INPP4B: variants seen among roughly 807,000 people sequenced by gnomAD.
INPP4B encodes the protein inositol polyphosphate-4-phosphatase type II B, also known as inositol polyphosphate 4-phosphatase type II.
INPP4B carries 55 observed loss-of-function variants against 122.5 expected under a neutral mutation model. The ratio of observed to expected loss-of-function variants is 0.45; its 90% CI spans 0.36 to 0.56. INPP4B has a LOEUF of 0.56. Ranked by LOEUF, INPP4B falls within the 20% of genes least tolerant of loss-of-function variation. The pLI is 0.00. For synonymous variants in INPP4B, 403 were observed against 388.7 expected (o/e 1.04, Z -0.43); for missense variants, 1,000 against 1,097.7 (o/e 0.91, Z 1.26).
chr4:142,644,905 C>CAA (rs72460445), intron 2 of INPP4B, among the ~76,000 whole-genome samples: 33 of 66,116 alleles, frequency 5.0e-4, no homozygotes, highest in African/African-American at 1.0e-3. Context: ...GACTCCATCT[C>CAA]AAAAAAAAAA....
chr4:142,481,439 C>A (rs1820531707), intron 2 of INPP4B, among the ~76,000 whole-genome samples: 1 of 152,100 alleles, frequency 6.6e-6, no homozygotes, highest in Non-Finnish European at 1.5e-5. Flanking sequence ...TGAGAGGAAT[C>A]CCTCTAATGA....
chr4:142,046,054 CT>C (rs941458532), intron 25 of INPP4B, among the ~76,000 whole-genome samples: 2 of 96,308 alleles, frequency 2.1e-5, no homozygotes, highest in Admixed American at 1.3e-4. Context: ...CACCCTGCAA[CT>C]TTTTTTATTG....
At chr4:142,696,030 T>G (rs75480354) in intron 2 of INPP4B, among the ~76,000 whole-genome samples, 1,833 of 152,172 alleles carry the variant, frequency 0.012, 36 homozygotes, top group African/African-American at 0.034. Flanking sequence ...CTAGGAGAAT[T>G]AGACAGGTGC....
intron 2 of INPP4B, among the ~76,000 whole-genome samples, chr4:142,589,452 T>A (rs1736947532): frequency 6.6e-6 from 1 of 151,946 alleles, no homozygotes; most frequent in African/African-American, 2.4e-5. Context: ...AAGAAATTTT[T>A]AAAAATGGGC....
At chr4:142,113,132 G>A (rs960205292) in intron 21 of INPP4B, among the ~76,000 whole-genome samples, 1 of 151,982 alleles carries the variant, frequency 6.6e-6, no homozygotes, top group Admixed American at 6.6e-5. Context: ...GAGTGTTTCT[G>A]TTTATGATGC....
At chr4:142,782,637 A>C (rs2151032791) in intron 1 of INPP4B, among the ~76,000 whole-genome samples, 1 of 151,940 alleles carries the variant, frequency 6.6e-6, no homozygotes, top group Non-Finnish European at 1.5e-5. Flanking sequence ...CATCCTCTCC[A>C]GCACCTGTTG....
At chr4:142,270,605 T>A (rs1375864508) in intron 10 of INPP4B, 58 bp downstream of exon 10, 1 of 1,185,258 alleles carries the variant, frequency 8.4e-7, no homozygotes, top group Non-Finnish European at 1.3e-6. Context: ...GAGACAGACA[T>A]CTGGCAAAGC....
chr4:142,356,693 C>A (rs1783724075), intron 7 of INPP4B, among the ~76,000 whole-genome samples: 1 of 151,704 alleles, frequency 6.6e-6, no homozygotes, highest in Admixed American at 6.6e-5. Flanking sequence ...TTTATTTGGT[C>A]TTTGGCCTCA....
At chr4:142,611,637 C>CTTTTTTTTTTTTTTTTTTTTTTTTTTTT (rs34482115) in intron 2 of INPP4B, among the ~76,000 whole-genome samples, 2 of 65,234 alleles carry the variant, frequency 3.1e-5, no homozygotes, top group Middle Eastern at 0.017. Context: ...TTTCTTTTTT[C>CTTTTTTTTTTTTTTTTTTTTTTTTTTTT]TTTTTTTTTT....
At chr4:142,382,769 G>A (rs1794684169) in intron 7 of INPP4B, among the ~76,000 whole-genome samples, 1 of 149,656 alleles carries the variant, frequency 6.7e-6, no homozygotes, top group South Asian at 2.1e-4. Context: ...ATTTACCAAG[G>A]TGTCTTGGGC....
In INPP4B at chr4:142,660,279, G is replaced by A. The variant is rs1754931618; in HGVS notation, c.-191+65560C>T. On this transcript the variant is annotated intron_variant, in intron 2 of 25. Coordinates refer to ENST00000262992, the MANE Select transcript of INPP4B (RefSeq NM_001101669.3). ...GGGATGCAAGGATGGAAGAGGGAAA[G>A]AGGATGCTGTTCTCTCTCTCCCTCA... Among the ~76,000 whole-genome samples, 3 of 152,164 alleles carry A rather than the reference G, an allele frequency of 2.0e-5. No individual in the cohort carries two copies. In the South Asian group the frequency reaches 6.2e-4, roughly 31 times the overall value.
intron 7 of INPP4B, among the ~76,000 whole-genome samples, chr4:142,381,492 C>A (rs185828539): frequency 6.6e-6 from 1 of 152,022 alleles, no homozygotes; most frequent in Non-Finnish European, 1.5e-5. Flanking sequence ...CTCTGAATTG[C>A]AAATAATTTT....
At chr4:142,784,093 T>C (rs1580907688) in intron 1 of INPP4B, among the ~76,000 whole-genome samples, 1 of 152,130 alleles carries the variant, frequency 6.6e-6, no homozygotes, top group East Asian at 1.9e-4. Context: ...CCAGGCACAG[T>C]GGCTCATGCT....
chr4:142,674,454 A>G (rs1164081161), intron 2 of INPP4B, among the ~76,000 whole-genome samples: 2 of 152,078 alleles, frequency 1.3e-5, no homozygotes, highest in African/African-American at 4.8e-5. Flanking sequence ...GTTTGGTAGT[A>G]ACATTAAAAA....
intron 1 of INPP4B, among the ~76,000 whole-genome samples, chr4:142,765,298 G>T (rs1232083079): frequency 6.6e-6 from 1 of 152,134 alleles, no homozygotes; most frequent in African/African-American, 2.4e-5. Context: ...GCACTTATAG[G>T]TGGGGGTGGC....
At chr4:142,727,875 C>T (rs188412487) in intron 1 of INPP4B, among the ~76,000 whole-genome samples, 303 of 152,246 alleles carry the variant, frequency 2.0e-3, no homozygotes, top group African/African-American at 6.9e-3. Context: ...GAGTCCCTGT[C>T]CCCCAACCCC....
chr4:142,827,591 G>T (rs1781598614), intron 1 of INPP4B, among the ~76,000 whole-genome samples: 1 of 152,092 alleles, frequency 6.6e-6, no homozygotes, highest in Admixed American at 6.6e-5. Flanking sequence ...ACTTAACATT[G>T]TCTATAGCAT....
chr4:142,390,162 T>C (rs955810532), intron 7 of INPP4B, among the ~76,000 whole-genome samples: 6 of 152,178 alleles, frequency 3.9e-5, no homozygotes. Flanking sequence ...ATACATTTTA[T>C]CTATAAGGTT....
Position 142,564,472 on chromosome 4 carries a change from AAAG to A in INPP4B, c.-190-101749_-190-101747del, listed in dbSNP as rs1241909672. ...AAAAAAAAGAAAGAAAGAAAGAAAG[AAAG>A]AAAAAAAAGAAACTCAGCAGTTAAT... On this transcript the variant is annotated intron_variant, in intron 2 of 25. Coordinates refer to ENST00000262992, the MANE Select transcript of INPP4B (RefSeq NM_001101669.3). Among the ~76,000 whole-genome samples, 188 of 139,872 alleles carry A rather than the reference AAAG, an allele frequency of 1.3e-3. 12 individuals are homozygous for A. Among genetic ancestry groups the A allele is most frequent in the East Asian group, 5.8e-3 (23 of 3,938 alleles). 91.8% of individuals were successfully genotyped at this position (139,872 alleles called of 152,430 possible).
Sources: gnomAD v4.1 joint callset for allele counts (sites outside exome capture counted in the v4.1 genomes callset) on GRCh38, gnomAD v4.1.1 for gene constraint, MANE v1.5 for transcripts, NCBI Gene and HGNC (gene_info 2026-07-23, HGNC 2026-07-21) for gene names.